Variants in TXNL4B observed in about 807,000 individuals in gnomAD.
TXNL4B encodes thioredoxin like 4B.
A neutral mutation model predicts 13.0 loss-of-function variants in TXNL4B; 12 were observed. The observed-to-expected ratio is 0.92, with a 90% confidence interval of 0.59 to 1.49. The LOEUF (loss-of-function observed/expected upper bound fraction) is 1.49, where lower values mean the gene tolerates loss of function less well. Among genes scored for constraint, TXNL4B ranks in the 40% most tolerant of loss-of-function variants. The probability of loss-of-function intolerance (pLI) is 0.00; values close to 1 mark genes in which losing one functional copy is unlikely to be tolerated. For missense variants in TXNL4B, 214 were observed against 173.6 expected (o/e 1.23, Z -1.31); for synonymous variants, 59 against 58.9 (o/e 1.00, Z -0.01).
intron 3 of TXNL4B, among the ~76,000 whole-genome samples, chr16:72,087,118 T>C (rs1474428466): frequency 1.3e-5 from 2 of 152,230 alleles, no homozygotes; most frequent in African/African-American, 2.4e-5. Context: ...GGAGTGCACA[T>C]TGTTTCTTCG....
At chr16:72,088,041 G>C (rs1053937255) in intron 3 of TXNL4B, among the ~76,000 whole-genome samples, 4 of 152,142 alleles carry the variant, frequency 2.6e-5, no homozygotes, top group Non-Finnish European at 5.9e-5. Context: ...GGATGGTCTC[G>C]ATCTGCTGAC....
At chr16:72,088,207 G>A (rs752658060) in intron 3 of TXNL4B, among the ~76,000 whole-genome samples, 11 of 152,124 alleles carry the variant, frequency 7.2e-5, no homozygotes, top group Non-Finnish European at 1.0e-4. Flanking sequence ...CAAATGATCC[G>A]CCTGCCTTGG....
Position 72,090,724 on chromosome 16 carries a change from G to C in TXNL4B, c.26C>G (p.Thr9Ser). Residue 9 changes from threonine (T) to serine (S), a missense_variant, in exon 2 of 4, where the codon ACT (threonine) becomes AGT (serine). Transcript: ENST00000268483. ...CGCCTGGTCTACTTCCTTTTTGCTA[G>C]TCAGCTTGGGCAGTAGGAAGCTCAT... MSFLLPKL[T>S]SKKEVDQAIK... The C allele has an allele frequency of 6.2e-7, 1 of 1,614,086 alleles. No individual in the cohort carries two copies. Among genetic ancestry groups the C allele is most frequent in the Non-Finnish European group, 8.5e-7 (1 of 1,180,026 alleles).
At chr16:72,090,074 A>G (rs1239122430) in intron 2 of TXNL4B, 1 of 455,914 alleles carries the variant, frequency 2.2e-6, no homozygotes, top group Non-Finnish European at 4.4e-6. Context: ...GAGGATTTGT[A>G]CGCTCAGCTC....
rs1382720369 is a variant in TXNL4B at position 72,086,661 on chromosome 16, A to T, written c.426T>A (p.Tyr142Ter). The change falls in exon 4 of 4, where the codon TAT (tyrosine) becomes TAA (stop). Residue 142 changes from tyrosine to a stop codon, truncating the protein, a stop_gained. Transcript: ENST00000268483. LOFTEE classifies it high-confidence loss of function. ...ACTAAATGTCTTGATAGAGAAGGTC[A>T]TATTTGGGAATATTCTTGGGATCAA... ...SPIDPKNIPK[Y>*]DLLYQDI 6.2e-7 allele frequency: 1 copy of T among 1,613,678 alleles called. No individual in the cohort carries two copies. Among genetic ancestry groups the T allele is most frequent in the South Asian group, 1.1e-5 (1 of 91,052 alleles).
chr16:72,089,359 T>G (rs1331009638), intron 2 of TXNL4B, among the ~76,000 whole-genome samples: 1 of 152,190 alleles, frequency 6.6e-6, no homozygotes, highest in East Asian at 1.9e-4. Flanking sequence ...TGTATGAGGT[T>G]AGGAAGGGAC....
chr16:72,094,352 C>G (rs1198435231), upstream of TXNL4B: 2 of 152,280 alleles, frequency 1.3e-5, no homozygotes, highest in African/African-American at 4.8e-5. Flanking sequence ...AGACTGTCAC[C>G]GAGCCCGAGT....
intron 3 of TXNL4B, chr16:72,087,459 T>G (rs1438522083): frequency 1.3e-5 from 2 of 152,146 alleles, no homozygotes; most frequent in African/African-American, 4.8e-5. Flanking sequence ...CTGACATATA[T>G]TTCTTTCATT....
chr16:72,086,605 C>T lies in TXNL4B; in HGVS notation c.*32G>A. ...ATTCAGGTACTGTGTCAAGATGTGC[C>T]TTCTTCTTCATCTTTGACAGCAATT... On this transcript the variant is annotated 3_prime_UTR_variant, in exon 4 of 4. Transcript: ENST00000268483. 1.3e-6 allele frequency: 2 copies of T among 1,589,686 alleles called. No individual in the cohort carries two copies. The highest frequency in any genetic ancestry group is 1.7e-6 in the Non-Finnish European group (2 of 1,159,828).
At position 72,085,271 on chromosome 16, in the gene TXNL4B, T is replaced by C. The variant is rs907881100; in HGVS notation, c.*1366A>G. The C allele has an allele frequency of 2.9e-5, 10 of 348,218 alleles. No homozygotes were observed. In the Admixed American group the frequency reaches 4.7e-4, roughly 17 times the overall value. The allele number at this position is 348,218 out of a possible 1,614,324, so 21.6% of individuals were successfully genotyped here. On this transcript the variant is annotated 3_prime_UTR_variant, in exon 4 of 4. Coordinates refer to ENST00000268483, the MANE Select transcript of TXNL4B (RefSeq NM_017853.3). ...AAGGGGGCTGGACTTGCAGTGACAG[T>C]GCTGCTCTGAACAGGACTAGGCTTC...
At position 72,089,595 on chromosome 16, in the gene TXNL4B, C is replaced by T. The variant is rs990562729; in HGVS notation, c.133-457G>A. Among the ~76,000 whole-genome samples, 4 of 152,318 alleles carry T rather than the reference C, an allele frequency of 2.6e-5. No homozygotes were observed. The East Asian group carries it at 7.7e-4, about 29-fold the overall frequency. On this transcript the variant is annotated intron_variant, in intron 2 of 3. Coordinates refer to ENST00000268483, the MANE Select transcript of TXNL4B (RefSeq NM_017853.3). Reference sequence around the variant, plus strand: ...ATCTATTTCTTCCTTTAATTTCTTTCTTTGAATGCTTTTATAAAAGTAGCC... The same window carrying T: ...ATCTATTTCTTCCTTTAATTTCTTTTTTTGAATGCTTTTATAAAAGTAGCC...
intron 3 of TXNL4B, 93 bp from the exon 4 acceptor site, chr16:72,086,895 G>T: frequency 1.0e-6 from 1 of 989,858 alleles, no homozygotes; most frequent in South Asian, 2.0e-5. Flanking sequence ...AAACAGCTTT[G>T]TTATTTTCTT....
At chr16:72,087,712 T>A (rs546139164) in intron 3 of TXNL4B, among the ~76,000 whole-genome samples, 20 of 152,252 alleles carry the variant, frequency 1.3e-4, no homozygotes, top group African/African-American at 4.6e-4. Flanking sequence ...GTCACCAGAC[T>A]GGAGTGTAGT....
intron 2 of TXNL4B, chr16:72,090,093 G>T (rs7191127): frequency 0.42 from 192,445 of 455,694 alleles, 44,026 homozygotes; most frequent in African/African-American, 0.71. Flanking sequence ...TCTTACACGG[G>T]ATGGTAGCAG....
At position 72,093,562 on chromosome 16, in the gene TXNL4B, A is replaced by C. The variant is rs924190507; in HGVS notation, c.-233T>G. 6.6e-6 allele frequency: 1 copy of C among 152,352 alleles called. No individual in the cohort carries two copies. The highest frequency in any genetic ancestry group is 1.5e-5 in the Non-Finnish European group (1 of 68,126). The allele number at this position is 152,352 out of a possible 1,614,324, so 9.4% of individuals were successfully genotyped here. Reference sequence around the variant, plus strand: ...GAAGGAAACCGAACAGAAAACGCACAAGCGCAGAAAAGAAACTCCTGGCCG... The same window carrying C: ...GAAGGAAACCGAACAGAAAACGCACCAGCGCAGAAAAGAAACTCCTGGCCG... On this transcript the variant is annotated 5_prime_UTR_variant, in exon 1 of 4. Coordinates refer to ENST00000268483, the MANE Select transcript of TXNL4B (RefSeq NM_017853.3).
chr16:72,090,479 C>T (rs2041888892), intron 2 of TXNL4B, 139 bp downstream of exon 2: 6 of 836,578 alleles, frequency 7.2e-6, no homozygotes, highest in Admixed American at 5.3e-5. Context: ...AGGGCAGGCA[C>T]ACAATCAGCT....
chr16:72,086,750 T>C lies in TXNL4B; in HGVS notation c.337A>G (p.Ile113Val), dbSNP rs1170988195. Residue 113 changes from isoleucine (I) to valine (V), a missense_variant, in exon 4 of 4, where the codon ATA becomes GTA. Transcript: ENST00000268483. ...CGATAGATTACTTCAATCAAATCTA[T>C]GAAGTCTTGTTTGGTTTTGAAGCTT... Reference protein sequence around the residue: ...VGSFKTKQDFIDLIEVIYRGA... With the variant: ...VGSFKTKQDFVDLIEVIYRGA... 4 of 1,613,618 alleles carry C rather than the reference T, an allele frequency of 2.5e-6. No homozygotes were observed. Among genetic ancestry groups the C allele is most frequent in the South Asian group, 2.2e-5 (2 of 91,036 alleles).
chr16:72,092,650 G>C (rs1339006615), intron 1 of TXNL4B, among the ~76,000 whole-genome samples: 2 of 152,136 alleles, frequency 1.3e-5, no homozygotes, highest in Non-Finnish European at 2.9e-5. Context: ...GAGAAAGTAA[G>C]GGGAGAACAA....
chr16:72,089,094 G>A lies in TXNL4B; in HGVS notation c.177C>T (p.Tyr59=), dbSNP rs2041864705. 6 of 1,612,444 alleles carry A rather than the reference G, an allele frequency of 3.7e-6. No homozygotes were observed. Among genetic ancestry groups the A allele is most frequent in the Non-Finnish European group, 5.1e-6 (6 of 1,178,582 alleles). Reference sequence around the variant, plus strand: ...CTGCAGTTTGGTCCACATCTACCAGGTATATAGCAGCCATTTTACTTAAGT... The same window carrying A: ...CTGCAGTTTGGTCCACATCTACCAGATATATAGCAGCCATTTTACTTAAGT... ...SSDLSKMAAI[Y]LVDVDQTAVY... The change falls in exon 3 of 4, where the codon TAC becomes TAT. Residue 59 remains tyrosine, a synonymous_variant. Transcript: ENST00000268483.
Sources: allele counts gnomAD v4.1 joint callset (sites outside exome capture counted in the v4.1 genomes callset), GRCh38; gene constraint gnomAD v4.1.1; transcripts MANE v1.5; gene names NCBI Gene and HGNC (gene_info 2026-07-23, HGNC 2026-07-21).